The following AFDN variants were observed in gnomAD, a reference collection of about 807,000 sequenced individuals.
The protein encoded by AFDN is afadin, adherens junction formation factor, also known as afadin.
Under a neutral mutation model 216.6 loss-of-function variants are expected in AFDN, and 68 were observed. That is an observed-to-expected ratio of 0.31 (90% confidence interval 0.26 to 0.38). The LOEUF is 0.38. AFDN is among the 10% of genes least tolerant of loss of function. The pLI is 1.00. For missense variants in AFDN, 2,136 were observed against 2,342.0 expected (o/e 0.91, Z 1.82); for synonymous variants, 868 against 853.7 (o/e 1.02, Z -0.29).
rs1489306893 is a variant in AFDN, at chr6:167,966,065, C to G, written c.5257+20C>G. 1.9e-6 allele frequency: 3 copies of G among 1,540,590 alleles called. No homozygotes were observed. The Admixed American group carries it at 5.9e-5, about 30-fold the overall frequency. The stretch of plus-strand genomic sequence containing the variant: ...TAGCAGGTCAGGATAAGTACTCCAG[C>G]ACAAGAAAGTCTCATGGGGACCTTC... On this transcript the variant is annotated intron_variant, in intron 32 of 33. Coordinates refer to ENST00000683244, the MANE Select transcript of AFDN (RefSeq NM_001386888.1).
chr6:167,864,094 G>C (rs1783891924), intron 1 of AFDN, among the ~76,000 whole-genome samples: 1 of 152,182 alleles, frequency 6.6e-6, no homozygotes, highest in African/African-American at 2.4e-5. Flanking sequence ...GGGCAGTACA[G>C]GCACGGACTT....
At position 167,969,868 on chromosome 6, in the gene AFDN, A is replaced by C. The variant is rs180878794; in HGVS notation, c.5429A>C (p.Asp1810Ala). 3,684 of 1,613,130 alleles carry C rather than the reference A, an allele frequency of 2.3e-3. 127 individuals are homozygous for C. In the Admixed American group the frequency reaches 0.058, roughly 25 times the overall value. The change falls in exon 34 of 34, where the codon GAT (aspartate) becomes GCT (alanine). Residue 1810 changes from aspartate (D) to alanine (A), a missense_variant. This residue lies in a region of AFDN where 981 missense variants were observed against 966.0 expected (regional missense o/e 1.02). Transcript: ENST00000683244. ...CAGCGTCTTTTTTCACAAGGTCAAG[A>C]TGTATCCAATAAAGTGAAAGCTTCT... The part of the protein sequence containing the change: ...ERQRLFSQGQ[D>A]VSNKVKASRK...
rs1392068308 is a variant in AFDN at position 167,943,125 on chromosome 6, A to G, written c.3100-4A>G. On this transcript the variant is annotated splice_polypyrimidine_tract_variant and splice_region_variant and intron_variant, in intron 23 of 33. Transcript: ENST00000683244. ...GCAGTGTTTTCGCCTTGTTTTTGCA[A>G]TAGGGTGCTGGTCAAGATAAACTAG... The G allele has an allele frequency of 6.2e-7, 1 of 1,612,966 alleles. No individual in the cohort carries two copies. The highest frequency in any genetic ancestry group is 8.5e-7 in the Non-Finnish European group (1 of 1,179,530).
At chr6:167,908,785 ATGT>A (rs1379193672) in intron 13 of AFDN, among the ~76,000 whole-genome samples, 22 of 152,142 alleles carry the variant, frequency 1.4e-4, no homozygotes, top group Admixed American at 5.9e-4. Flanking sequence ...ATTATAAACT[ATGT>A]TGTTTTGTTG....
intron 30 of AFDN, among the ~76,000 whole-genome samples, chr6:167,957,685 C>G (rs1274660218): frequency 6.6e-6 from 1 of 152,214 alleles, no homozygotes; most frequent in African/African-American, 2.4e-5. Flanking sequence ...GCAGAGTACT[C>G]TGTCCTAGCC....
At chr6:167,888,766 A>G (rs1377294984) in intron 6 of AFDN, among the ~76,000 whole-genome samples, 1 of 152,192 alleles carries the variant, frequency 6.6e-6, no homozygotes, top group Non-Finnish European at 1.5e-5. Context: ...AACGAAAACT[A>G]TTCTGGCTTG....
intron 15 of AFDN, chr6:167,911,803 TATAATATTAACCATTTTGA>T: frequency 5.5e-6 from 2 of 365,994 alleles, no homozygotes; most frequent in South Asian, 5.2e-5. Flanking sequence ...ATGAAGTTCA[TATAATATTAACCATTTTGA>T]AGTGAACAAT....
At chr6:167,862,112 T>C (rs891802927) in intron 1 of AFDN, among the ~76,000 whole-genome samples, 39 of 152,138 alleles carry the variant, frequency 2.6e-4, no homozygotes, top group Non-Finnish European at 7.4e-5. Flanking sequence ...ACAGCTAAAT[T>C]TGTATAGAAA....
At position 167,897,134 on chromosome 6, in the gene AFDN, T is replaced by C. The variant is rs115615039; in HGVS notation, c.1317+162T>C. Among the ~76,000 whole-genome samples the C allele has an allele frequency of 3.3e-3, 504 of 152,348 alleles. 4 individuals carry two copies. Among genetic ancestry groups the C allele is most frequent in the African/African-American group, 0.012 (483 of 41,580 alleles). On this transcript the variant is annotated intron_variant, in intron 10 of 33. Transcript: ENST00000683244. Reference sequence around the variant, plus strand: ...TGGGTCACTTTTCTCTGCTTTAGTGTGGAAACAGCAGAATGTGAGTTTATG... The same window carrying C: ...TGGGTCACTTTTCTCTGCTTTAGTGCGGAAACAGCAGAATGTGAGTTTATG...
chr6:167,905,385 G>A (rs1482926878), intron 12 of AFDN, among the ~76,000 whole-genome samples: 1 of 152,110 alleles, frequency 6.6e-6, no homozygotes, highest in African/African-American at 2.4e-5. Flanking sequence ...GAAGAAAACT[G>A]TCTTTATAAA....
At chr6:167,858,221 A>G (rs1258967415) in intron 1 of AFDN, among the ~76,000 whole-genome samples, 2 of 152,194 alleles carry the variant, frequency 1.3e-5, no homozygotes, top group Non-Finnish European at 2.9e-5. Context: ...GAAAGTTGGC[A>G]GGGTTATGGC....
chr6:167,910,282 A>C (rs1167712215), intron 13 of AFDN, among the ~76,000 whole-genome samples: 3 of 152,230 alleles, frequency 2.0e-5, no homozygotes, highest in Non-Finnish European at 4.4e-5. Flanking sequence ...GTAGTTTCAC[A>C]AAACAGCCTT....
At chr6:167,907,064 C>T (rs1789786806) in intron 12 of AFDN, 107 bp from the exon 13 acceptor site, 2 of 777,266 alleles carry the variant, frequency 2.6e-6, no homozygotes, top group Admixed American at 4.3e-5. Flanking sequence ...GTGTTCTTGC[C>T]TGCCCTGCTT....
rs141448045 is a variant in AFDN, at chr6:167,913,112, T to C, written c.2038-291T>C. The stretch of plus-strand genomic sequence containing the variant: ...TTCCATTGTAAATCTTTTAAAGAGA[T>C]CAGTGTGTTCATGTGTGTTTATGGT... On this transcript the variant is annotated intron_variant, in intron 15 of 33. Transcript: ENST00000683244. 3.9e-4 allele frequency among the ~76,000 whole-genome samples: 60 copies of C among 152,274 alleles called. No individual in the cohort carries two copies. The East Asian group carries it at 9.5e-3, about 24-fold the overall frequency.
chr6:167,890,612 T>C (rs1033643255), intron 7 of AFDN, among the ~76,000 whole-genome samples: 1 of 151,994 alleles, frequency 6.6e-6, no homozygotes, highest in African/African-American at 2.4e-5. Flanking sequence ...TTATGATGTC[T>C]TTCGGTAGCT....
chr6:167,918,853 C>T lies in AFDN; in HGVS notation c.2828C>T (p.Pro943Leu). ...DPDLQLPFLL[P>L]EDGYSCDVVR... ...GATCTGCAGCTGCCGTTTCTTTTGCCAGAAGATGGTTATTCTTGTGATGTT... is the reference window on the plus strand; with the variant it reads ...GATCTGCAGCTGCCGTTTCTTTTGCTAGAAGATGGTTATTCTTGTGATGTT... The change falls in exon 21 of 34, where the codon CCA becomes CTA. Residue 943 changes from proline (P) to leucine (L), a missense_variant. By Grantham distance (98) the Pro-to-Leu change is moderately conservative. Transcript: ENST00000683244. The T allele has an allele frequency of 6.2e-7, 1 of 1,613,240 alleles. No individual in the cohort carries two copies. The highest frequency in any genetic ancestry group is 8.5e-7 in the Non-Finnish European group (1 of 1,179,586).
intron 14 of AFDN, 22 bp from the exon 15 acceptor site, chr6:167,911,259 CTTT>C: frequency 1.2e-6 from 2 of 1,600,910 alleles, no homozygotes; most frequent in Non-Finnish European, 1.7e-6. Context: ...TTCCTTTTTT[CTTT>C]GTTTTTGAAA....
intron 6 of AFDN, among the ~76,000 whole-genome samples, chr6:167,888,730 T>G (rs905655234): frequency 2.0e-5 from 3 of 152,248 alleles, no homozygotes; most frequent in Admixed American, 1.3e-4. Flanking sequence ...GATTAAAATT[T>G]AATCATAAAG....
chr6:167,913,056 A>G (rs752844257), intron 15 of AFDN, among the ~76,000 whole-genome samples: 5 of 152,132 alleles, frequency 3.3e-5, no homozygotes, highest in Non-Finnish European at 5.9e-5. Context: ...TAAGCACACC[A>G]TATCACTGAA....
Sources: allele counts gnomAD v4.1 joint callset (sites outside exome capture counted in the v4.1 genomes callset), GRCh38; gene constraint gnomAD v4.1.1; regional missense constraint gnomAD v4.1.1; transcripts MANE v1.5; gene names NCBI Gene and HGNC (gene_info 2026-07-23, HGNC 2026-07-21).